USP6NL: variants seen among roughly 807,000 people sequenced by gnomAD.
USP6NL encodes USP6 N-terminal-like protein.
In USP6NL, 26 loss-of-function variants were observed where a neutral mutation model predicts 61.9. That is an observed-to-expected ratio of 0.42 (90% CI 0.31 to 0.58). The LOEUF is 0.58. Among genes scored for constraint, USP6NL ranks in the 20% least tolerant of loss-of-function variants. The pLI is 0.16. For missense variants in USP6NL, 1,114 were observed against 1,034.3 expected, an observed-to-expected ratio of 1.08 and a Z score of -1.06; for synonymous variants, 432 against 390.1, an observed-to-expected ratio of 1.11 and a Z score of -1.27.
chr10:11,560,523 AC>A, intron 2 of USP6NL, among the ~76,000 whole-genome samples: 1 of 151,616 alleles, frequency 6.6e-6, no homozygotes, highest in East Asian at 1.9e-4. Context: ...AAAACATGCT[AC>A]CCCCCTCCTT....
intron 4 of USP6NL, among the ~76,000 whole-genome samples, chr10:11,523,012 C>T (rs928085883): frequency 6.6e-6 from 1 of 152,210 alleles, no homozygotes; most frequent in African/African-American, 2.4e-5. Flanking sequence ...GTACCTACCC[C>T]AAAGAGCTTT....
At position 11,490,353 on chromosome 10, in the gene USP6NL, C is replaced by A. The variant is rs77532564; in HGVS notation, c.543+479G>T. Reference sequence around the variant, plus strand: ...GCCTTAAGAAGAGCATGTCTATTACCGAAGAGTTTAGCCTCCTCCTGGGGA... The same window carrying A: ...GCCTTAAGAAGAGCATGTCTATTACAGAAGAGTTTAGCCTCCTCCTGGGGA... On this transcript the variant is annotated intron_variant, in intron 9 of 14. Transcript: ENST00000609104. This position sits in a 1 kb window ranked among gnomAD's most constrained non-coding sequence, Gnocchi z 4.5. Among the ~76,000 whole-genome samples, 3,203 of 152,184 alleles carry A rather than the reference C, an allele frequency of 0.021. 106 individuals are homozygous for A. Among genetic ancestry groups the A allele is most frequent in the African/African-American group, 0.074 (3,054 of 41,484 alleles).
intron 1 of USP6NL, among the ~76,000 whole-genome samples, chr10:11,603,227 GT>G (rs1838604461): frequency 6.6e-6 from 1 of 152,244 alleles, no homozygotes; most frequent in Admixed American, 6.5e-5. Flanking sequence ...CCACAGGTAG[GT>G]TTCCAGACAG....
At position 11,478,506 on chromosome 10, in the gene USP6NL, CAATATT is replaced by C. The variant is rs1277838114; in HGVS notation, c.1078+3258_1078+3263del. Among the ~76,000 whole-genome samples the C allele has an allele frequency of 6.6e-6, 1 of 152,134 alleles. No individual in the cohort carries two copies. Among genetic ancestry groups the C allele is most frequent in the African/African-American group, 2.4e-5 (1 of 41,416 alleles). ...AAAATCCTTAATGTCAGTGCAATCTCAATATTAATAAAATACTGTATCTGAATACCA... is the reference window on the plus strand; with the variant it reads ...AAAATCCTTAATGTCAGTGCAATCTCAATAAAATACTGTATCTGAATACCA... On this transcript the variant is annotated intron_variant, in intron 14 of 14. Coordinates refer to ENST00000609104, the MANE Select transcript of USP6NL (RefSeq NM_014688.5). This position sits in a 1 kb window ranked among gnomAD's most constrained non-coding sequence, Gnocchi z 6.8.
intron 2 of USP6NL, among the ~76,000 whole-genome samples, chr10:11,544,319 C>A (rs1836189085): frequency 6.6e-6 from 1 of 152,114 alleles, no homozygotes; most frequent in African/African-American, 2.4e-5. Flanking sequence ...TGTCAATTTC[C>A]ACATAAAATA....
rs1308403749 is a variant in USP6NL, at chr10:11,611,372, G to C, written c.-84+71C>G. 1 of 152,216 alleles carries C rather than the reference G, an allele frequency of 6.6e-6. No individual in the cohort carries two copies. The highest frequency in any genetic ancestry group is 1.5e-5 in the Non-Finnish European group (1 of 68,182). The allele number at this position is 152,216 out of a possible 1,614,324, so 9.4% of individuals were successfully genotyped here. ...TCCCCGGGGCCAACTCCGAGTCCCG[G>C]CCCGGGGAGGACGCCCGCGGAGCCC... On this transcript the variant is annotated intron_variant, in intron 1 of 14. Transcript: ENST00000609104. The surrounding 1 kb of genome is among the most constrained non-coding windows in gnomAD (Gnocchi z 5.3).
chr10:11,468,067 G>A lies in USP6NL; in HGVS notation c.1079-4218C>T, dbSNP rs1478768286. On this transcript the variant is annotated intron_variant, in intron 14 of 14. Coordinates refer to ENST00000609104, the MANE Select transcript of USP6NL (RefSeq NM_014688.5). This position sits in a 1 kb window ranked among gnomAD's most constrained non-coding sequence, Gnocchi z 4.5. Reference sequence around the variant, plus strand: ...AAACAAAGTCAGATTAATCAAGTATGGCATCGCTTGATGGAGTCATGATGA... The same window carrying A: ...AAACAAAGTCAGATTAATCAAGTATAGCATCGCTTGATGGAGTCATGATGA... Among the ~76,000 whole-genome samples, 1 of 152,208 alleles carries A rather than the reference G, an allele frequency of 6.6e-6. No individual in the cohort carries two copies. The highest frequency in any genetic ancestry group is 2.4e-5 in the African/African-American group (1 of 41,454).
At chr10:11,569,655 G>A (rs1013484862) in intron 2 of USP6NL, among the ~76,000 whole-genome samples, 4 of 152,190 alleles carry the variant, frequency 2.6e-5, no homozygotes, top group Non-Finnish European at 5.9e-5. Context: ...GGAAAAACTC[G>A]CCATCCAGAT....
intron 2 of USP6NL, among the ~76,000 whole-genome samples, chr10:11,551,823 T>C (rs1251017107): frequency 6.6e-6 from 1 of 152,230 alleles, no homozygotes; most frequent in East Asian, 1.9e-4. Flanking sequence ...ATTCAAATTA[T>C]TTCACTGTAA....
intron 2 of USP6NL, among the ~76,000 whole-genome samples, chr10:11,547,931 A>T (rs1836345753): frequency 6.6e-6 from 1 of 152,228 alleles, no homozygotes; most frequent in Admixed American, 6.5e-5. Flanking sequence ...AGTTAAAGTT[A>T]AAAATTAATT....
At position 11,476,473 on chromosome 10, in the gene USP6NL, A is replaced by G. The variant is rs922301967; in HGVS notation, c.1078+5297T>C. 3.3e-5 allele frequency among the ~76,000 whole-genome samples: 5 copies of G among 152,244 alleles called. No individual in the cohort carries two copies. The highest frequency in any genetic ancestry group is 1.2e-4 in the African/African-American group (5 of 41,462). On this transcript the variant is annotated intron_variant, in intron 14 of 14. Coordinates refer to ENST00000609104, the MANE Select transcript of USP6NL (RefSeq NM_014688.5). This position sits in a 1 kb window ranked among gnomAD's most constrained non-coding sequence, Gnocchi z 4.3. The stretch of plus-strand genomic sequence containing the variant: ...TATGTTTGAAAAGTTTCACAATAAA[A>G]AAGTTTCAAAAAATGTTTCAACAGC...
At chr10:11,475,207 G>A (rs1832919816) in intron 14 of USP6NL, among the ~76,000 whole-genome samples, 1 of 151,086 alleles carries the variant, frequency 6.6e-6, no homozygotes, top group Admixed American at 6.6e-5. Context: ...TGCCTTTTCA[G>A]TACTAACTAC....
intron 1 of USP6NL, among the ~76,000 whole-genome samples, chr10:11,601,258 C>T (rs1838520736): frequency 6.6e-6 from 1 of 152,132 alleles, no homozygotes; most frequent in South Asian, 2.1e-4. Context: ...CACATACACA[C>T]ACACGTAAAG....
At position 11,513,404 on chromosome 10, in the gene USP6NL, T is replaced by C. The variant is rs569328166; in HGVS notation, c.196-3729A>G. 6.6e-6 allele frequency among the ~76,000 whole-genome samples: 1 copy of C among 152,356 alleles called. No homozygotes were observed. The highest frequency in any genetic ancestry group is 2.1e-4 in the South Asian group (1 of 4,832). On this transcript the variant is annotated intron_variant, in intron 5 of 14. Transcript: ENST00000609104. The surrounding 1 kb of genome is among the most constrained non-coding windows in gnomAD (Gnocchi z 4.7). ...TGCCAAAAGGCAGAGCTGCTGATGT[T>C]AACAGCCTATATGAAACTGATATTA... is the stretch of plus-strand genomic sequence containing the variant.
At chr10:11,571,951 T>G (rs1224879497) in intron 2 of USP6NL, among the ~76,000 whole-genome samples, 1 of 150,868 alleles carries the variant, frequency 6.6e-6, no homozygotes, top group East Asian at 1.9e-4. Flanking sequence ...CTACTCCTAC[T>G]ACTTTAATAT....
intron 14 of USP6NL, among the ~76,000 whole-genome samples, chr10:11,473,764 T>A (rs1035165972): frequency 1.3e-5 from 2 of 152,152 alleles, no homozygotes; most frequent in African/African-American, 4.8e-5. Flanking sequence ...AAACTCCCCA[T>A]GAAAACTATT....
chr10:11,502,945 C>G (rs933294201), intron 6 of USP6NL, among the ~76,000 whole-genome samples: 1 of 152,148 alleles, frequency 6.6e-6, no homozygotes, highest in African/African-American at 2.4e-5. Flanking sequence ...GACCATAAAA[C>G]TAGACTCGCA....
In USP6NL at chr10:11,518,558, C is replaced by G. The variant is rs746741857; in HGVS notation, c.172G>C (p.Asp58His). 2 of 1,612,960 alleles carry G rather than the reference C, an allele frequency of 1.2e-6. No individual in the cohort carries two copies. Among genetic ancestry groups the G allele is most frequent in the Admixed American group, 3.3e-5 (2 of 59,806 alleles). The stretch of plus-strand genomic sequence containing the variant: ...ACCCGTTCCACAGCCACATTATGAT[C>G]TGGGAGCTCCTCCTCACTGCAGAGG... ...FGFLHEEELP[D>H]HNVAVERQKH... The change falls in exon 5 of 15, where the codon GAT becomes CAT. Residue 58 changes from aspartate (D) to histidine (H), a missense_variant. Physicochemically the swap from Asp to His is moderately conservative, Grantham distance 81. Transcript: ENST00000609104. This position sits in a 1 kb window ranked among gnomAD's most constrained non-coding sequence, Gnocchi z 5.3.
rs915137186 is a variant in USP6NL at position 11,481,469 on chromosome 10, T to C, written c.1078+301A>G. On this transcript the variant is annotated intron_variant, in intron 14 of 14. Coordinates refer to ENST00000609104, the MANE Select transcript of USP6NL (RefSeq NM_014688.5). The surrounding 1 kb of genome is among the most constrained non-coding windows in gnomAD (Gnocchi z 4.4). Reference sequence around the variant, plus strand: ...GAAAGCAAAAAAAAGCTTATTGTTATGCTCGTTTAAAGCACCATGGCTACT... The same window carrying C: ...GAAAGCAAAAAAAAGCTTATTGTTACGCTCGTTTAAAGCACCATGGCTACT... 2.6e-5 allele frequency among the ~76,000 whole-genome samples: 4 copies of C among 152,262 alleles called. No individual in the cohort carries two copies. Among genetic ancestry groups the C allele is most frequent in the African/African-American group, 7.2e-5 (3 of 41,470 alleles).
Sources: gnomAD v4.1 joint callset for allele counts (sites outside exome capture counted in the v4.1 genomes callset) on GRCh38, gnomAD v4.1.1 for gene constraint, Gnocchi (gnomAD v3.1) non-coding constraint, MANE v1.5 for transcripts, NCBI Gene and HGNC (gene_info 2026-07-23, HGNC 2026-07-21) for gene names.